The following MMRN1 variants were observed in gnomAD, a reference collection of about 807,000 sequenced individuals.
The protein encoded by MMRN1 is multimerin-1.
In MMRN1, 94 loss-of-function variants were observed where a neutral mutation model predicts 100.7. That is an observed-to-expected ratio of 0.93 (90% CI 0.79 to 1.11). MMRN1 has a LOEUF of 1.11. MMRN1 is among the 50% of genes least tolerant of loss of function. The pLI, the probability that MMRN1 is intolerant of heterozygous loss-of-function variation, is 0.00. For synonymous variants in MMRN1, 575 were observed against 505.0 expected, an observed-to-expected ratio of 1.14 and a Z score of -1.86; for missense variants, 1,606 against 1,439.1, an observed-to-expected ratio of 1.12 and a Z score of -1.88.
chr4:89,930,852 A>G (rs1722411323), intron 5 of MMRN1, among the ~76,000 whole-genome samples: 1 of 152,096 alleles, frequency 6.6e-6, no homozygotes, highest in Non-Finnish European at 1.5e-5. Context: ...TGACTGGTTA[A>G]ATGCTAAGCA....
chr4:89,917,089 T>A (rs1301103637), intron 3 of MMRN1, among the ~76,000 whole-genome samples: 3 of 151,436 alleles, frequency 2.0e-5, no homozygotes, highest in Non-Finnish European at 4.4e-5. Flanking sequence ...CCACACATCC[T>A]CGTGTGTGTG....
chr4:89,916,445 G>T (rs1721922664), intron 3 of MMRN1, among the ~76,000 whole-genome samples: 1 of 150,524 alleles, frequency 6.6e-6, no homozygotes, highest in Non-Finnish European at 1.5e-5. Flanking sequence ...ACATGCATGT[G>T]CCCACATGCA....
chr4:89,901,263 T>C (rs1721377439), intron 1 of MMRN1, among the ~76,000 whole-genome samples: 2 of 151,934 alleles, frequency 1.3e-5, no homozygotes, highest in Non-Finnish European at 2.9e-5. Context: ...AGAGGGCTCA[T>C]ACATATGTTA....
intron 6 of MMRN1, 42 bp downstream of exon 6, chr4:89,936,840 C>G (rs1722662743): frequency 6.6e-7 from 1 of 1,506,568 alleles, no homozygotes; most frequent in East Asian, 2.3e-5. Context: ...TCTCTTTTTA[C>G]TTAAATGATA....
chr4:89,949,087 G>A (rs1274355205), intron 6 of MMRN1, among the ~76,000 whole-genome samples: 1 of 152,064 alleles, frequency 6.6e-6, no homozygotes, highest in South Asian at 2.1e-4. Context: ...GGAACATAAA[G>A]AAGCAAAAAA....
rs748537619 is a variant in MMRN1 at position 89,909,381 on chromosome 4, ATCCTGTCCTCAGAGGTATGTAATATT to A, written c.732_743+14del. The stretch of plus-strand genomic sequence containing the variant: ...AAGGACCTTGTGGCTGGACCGGTGG[ATCCTGTCCTCAGAGGTATGTAATATT>A]TCTTGAAAATAGCCACTGTTTTTGC... On this transcript the variant is annotated splice_donor_variant and splice_donor_5th_base_variant and coding_sequence_variant and intron_variant, in exon 2 of 8. Coordinates refer to ENST00000264790, the MANE Select transcript of MMRN1 (RefSeq NM_007351.3). LOFTEE classifies it high-confidence loss of function. The A allele has an allele frequency of 6.2e-7, 1 of 1,609,382 alleles. No individual in the cohort carries two copies. Among genetic ancestry groups the A allele is most frequent in the Non-Finnish European group, 8.5e-7 (1 of 1,177,278 alleles).
chr4:89,898,500 C>G (rs1170152484), intron 1 of MMRN1, among the ~76,000 whole-genome samples: 3 of 151,882 alleles, frequency 2.0e-5, no homozygotes, highest in South Asian at 2.1e-4. Flanking sequence ...GACCAGTTCA[C>G]TTCCCAGCTC....
At chr4:89,902,758 A>G (rs1309295058) in intron 1 of MMRN1, among the ~76,000 whole-genome samples, 2 of 152,026 alleles carry the variant, frequency 1.3e-5, no homozygotes, top group African/African-American at 4.8e-5. Flanking sequence ...TAAAGTCTAA[A>G]TTAACCATAA....
intron 6 of MMRN1, among the ~76,000 whole-genome samples, chr4:89,937,806 G>A (rs1483797086): frequency 6.6e-6 from 1 of 152,078 alleles, no homozygotes; most frequent in Non-Finnish European, 1.5e-5. Flanking sequence ...TGACAGAATA[G>A]TGGTACCATT....
At position 89,953,375 on chromosome 4, in the gene MMRN1, C is replaced by T; in HGVS notation, c.3644C>T (p.Pro1215Leu). ...AAAGGAACAATTCCAGCCAAGTTTCCCCCTGTTACTACATTTAGTGGCTAT... is the reference window on the plus strand; with the variant it reads ...AAAGGAACAATTCCAGCCAAGTTTCTCCCTGTTACTACATTTAGTGGCTAT... ...LAKGTIPAKF[P>L]PVTTFSGYLL... The change falls in exon 8 of 8, where the codon CCC (proline) becomes CTC (leucine). Residue 1215 changes from proline (P) to leucine (L), a missense_variant. By Grantham distance (98) the Pro-to-Leu change is moderately conservative. Coordinates refer to ENST00000264790, the MANE Select transcript of MMRN1 (RefSeq NM_007351.3). The T allele has an allele frequency of 1.9e-6, 3 of 1,612,506 alleles. No homozygotes were observed. Among genetic ancestry groups the T allele is most frequent in the Non-Finnish European group, 2.5e-6 (3 of 1,179,342 alleles).
intron 3 of MMRN1, among the ~76,000 whole-genome samples, chr4:89,918,851 G>A (rs1722001836): frequency 6.6e-6 from 1 of 151,744 alleles, no homozygotes; most frequent in Non-Finnish European, 1.5e-5. Context: ...GTGTTCATAT[G>A]TATTACTACA....
At chr4:89,890,896 A>G (rs1205009983), upstream of MMRN1, among the ~76,000 whole-genome samples, 1 of 151,940 alleles carries the variant, frequency 6.6e-6, no homozygotes, top group Non-Finnish European at 1.5e-5. Context: ...TGATAAACTA[A>G]TATGTTTCTC....
chr4:89,936,304 C>A lies in MMRN1; in HGVS notation c.2624C>A (p.Pro875His), dbSNP rs760038715. 6.2e-7 allele frequency: 1 copy of A among 1,612,386 alleles called. No homozygotes were observed. Among genetic ancestry groups the A allele is most frequent in the African/African-American group, 1.3e-5 (1 of 74,810 alleles). ...TCTAAAGTTACCCAGACGCTCATAC[C>A]TTATTATATTTCAGTTAAAAAAGGC... ...IESKVTQTLIPYYISVKKGSV... is the reference protein window; with the variant it reads ...IESKVTQTLIHYYISVKKGSV... Residue 875 changes from proline to histidine, a missense_variant, in exon 6 of 8, where the codon CCT becomes CAT. Coordinates refer to ENST00000264790, the MANE Select transcript of MMRN1 (RefSeq NM_007351.3).
chr4:89,940,970 A>G (rs1722803742), intron 6 of MMRN1, among the ~76,000 whole-genome samples: 1 of 152,196 alleles, frequency 6.6e-6, no homozygotes, highest in Non-Finnish European at 1.5e-5. Context: ...ATGATAAATC[A>G]AAAAGAATAG....
chr4:89,895,425 C>T lies in MMRN1; in HGVS notation c.454C>T (p.Gln152Ter), dbSNP rs1474915707. 2 of 1,613,758 alleles carry T rather than the reference C, an allele frequency of 1.2e-6. No homozygotes were observed. Among genetic ancestry groups the T allele is most frequent in the African/African-American group, 1.3e-5 (1 of 74,874 alleles). ...GAGCTTTGCCAGAAAGTCAAATGAA[C>T]AAGCAACTTCTCTAAACACAGTTGG... The part of the protein sequence containing the change: ...LQSFARKSNE[Q>*]ATSLNTVGGT... Residue 152 changes from glutamine (Q) to a stop codon, truncating the protein, a stop_gained, in exon 1 of 8, where the codon CAA becomes TAA. Coordinates refer to ENST00000264790, the MANE Select transcript of MMRN1 (RefSeq NM_007351.3). LOFTEE classifies it high-confidence loss of function.
intron 4 of MMRN1, among the ~76,000 whole-genome samples, chr4:89,926,594 T>C (rs1451869723): frequency 6.6e-6 from 1 of 152,106 alleles, no homozygotes; most frequent in African/African-American, 2.4e-5. Flanking sequence ...CTTGACTTTG[T>C]TGGTTGTTTC....
At chr4:89,951,481 G>T in intron 6 of MMRN1, 124 bp from the exon 7 acceptor site, 1 of 982,474 alleles carries the variant, frequency 1.0e-6, no homozygotes, top group African/African-American at 1.7e-5. Context: ...ATCCTGGGCC[G>T]TGGAGCCCAT....
At position 89,952,990 on chromosome 4, in the gene MMRN1, C is replaced by G. The variant is rs1394188903; in HGVS notation, c.3266-7C>G. 3.2e-6 allele frequency: 5 copies of G among 1,552,130 alleles called. No homozygotes were observed. Among genetic ancestry groups the G allele is most frequent in the East Asian group, 4.6e-5 (2 of 43,916 alleles). ...AAATTAACTCTTGCCATTTTTTCCTCTAACAGATTTTTCCAAAGGATCTTA... is the reference window on the plus strand; with the variant it reads ...AAATTAACTCTTGCCATTTTTTCCTGTAACAGATTTTTCCAAAGGATCTTA... On this transcript the variant is annotated splice_polypyrimidine_tract_variant and splice_region_variant and intron_variant, in intron 7 of 7. Coordinates refer to ENST00000264790, the MANE Select transcript of MMRN1 (RefSeq NM_007351.3).
At chr4:89,942,069 C>T (rs901770710) in intron 6 of MMRN1, among the ~76,000 whole-genome samples, 6 of 152,080 alleles carry the variant, frequency 3.9e-5, no homozygotes, top group African/African-American at 1.4e-4. Flanking sequence ...GAAACCCAGA[C>T]GTTTAATGAT....
Sources: gnomAD v4.1 joint callset for allele counts (sites outside exome capture counted in the v4.1 genomes callset) on GRCh38, gnomAD v4.1.1 for gene constraint, MANE v1.5 for transcripts, NCBI Gene and HGNC (gene_info 2026-07-23, HGNC 2026-07-21) for gene names.